The following GLS variants were observed in gnomAD, a reference collection of about 807,000 sequenced individuals.
The protein encoded by GLS is glutaminase kidney isoform, mitochondrial.
Under a neutral mutation model 86.7 loss-of-function variants are expected in GLS, and 36 were observed. The ratio of observed to expected loss-of-function variants is 0.42; its 90% confidence interval spans 0.32 to 0.55. GLS has a LOEUF of 0.55. Ranked by LOEUF, GLS falls within the 20% of genes least tolerant of loss-of-function variation. The pLI is 0.17. For missense variants in GLS, 528 were observed against 833.4 expected (o/e 0.63, Z 4.51); for synonymous variants, 317 against 305.9 (o/e 1.04, Z -0.38).
intron 17 of GLS, among the ~76,000 whole-genome samples, chr2:190,959,946 G>C (rs1690959972): frequency 6.6e-6 from 1 of 152,158 alleles, no homozygotes; most frequent in Non-Finnish European, 1.5e-5. Flanking sequence ...TTAGGGAAGA[G>C]ACGAGACTGA....
Position 190,895,082 on chromosome 2 carries a change from A to C in GLS, c.387-70A>C. 2.8e-6 allele frequency: 2 copies of C among 712,234 alleles called. No individual in the cohort carries two copies. The highest frequency in any genetic ancestry group is 3.5e-5 in the South Asian group (2 of 57,708). 44.1% of individuals were successfully genotyped at this position (712,234 alleles called of 1,614,324 possible). A position where few individuals can be genotyped will look rare whatever the true frequency, so the allele number is the denominator to read the frequency against. On this transcript the variant is annotated intron_variant, in intron 1 of 17. Transcript: ENST00000320717. This position sits in a 1 kb window ranked among gnomAD's most constrained non-coding sequence, Gnocchi z 4.2. The stretch of plus-strand genomic sequence containing the variant: ...AGTCTAGTTTAGTGGTTATTTAACA[A>C]TGGATTTAGTTAAAAATCCAGTAGA...
rs1418766951 is a variant in GLS, at chr2:190,914,114, C to G, written c.1038+3793C>G. Among the ~76,000 whole-genome samples the G allele has an allele frequency of 6.6e-6, 1 of 152,112 alleles. No homozygotes were observed. Among genetic ancestry groups the G allele is most frequent in the East Asian group, 1.9e-4 (1 of 5,204 alleles). ...GCATGCCTCATTCTAGTGGTAGTTT[C>G]CAGTTTTTGTCATTTAAAGAAGTTC... On this transcript the variant is annotated intron_variant, in intron 7 of 17. Transcript: ENST00000320717. This position sits in a 1 kb window ranked among gnomAD's most constrained non-coding sequence, Gnocchi z 4.4.
chr2:190,950,183 A>T (rs1396575272), intron 14 of GLS, among the ~76,000 whole-genome samples: 1 of 152,034 alleles, frequency 6.6e-6, no homozygotes, highest in Admixed American at 6.6e-5. Context: ...AGTGCCTGAG[A>T]CCAGCCAGAT....
At position 190,924,047 on chromosome 2, in the gene GLS, T is replaced by A. The variant is rs1689825701; in HGVS notation, c.1197+64T>A. ...ATTTAATAAAATACATGAAGATGTATGCTAAGAATTCAACAATAGCCTTTA... is the reference window on the plus strand; with the variant it reads ...ATTTAATAAAATACATGAAGATGTAAGCTAAGAATTCAACAATAGCCTTTA... On this transcript the variant is annotated intron_variant, in intron 10 of 17. Transcript: ENST00000320717. The surrounding 1 kb of genome is among the most constrained non-coding windows in gnomAD (Gnocchi z 5.2). The A allele has an allele frequency of 1.2e-6, 1 of 860,430 alleles. No individual in the cohort carries two copies. Among genetic ancestry groups the A allele is most frequent in the African/African-American group, 1.7e-5 (1 of 57,852 alleles). The allele number at this position is 860,430 out of a possible 1,614,324, so 53.3% of individuals were successfully genotyped here.
In GLS at chr2:190,889,918, A is replaced by G. The variant is rs572435255; in HGVS notation, c.387-5234A>G. Among the ~76,000 whole-genome samples, 3 of 152,338 alleles carry G rather than the reference A, an allele frequency of 2.0e-5. No individual in the cohort carries two copies. The South Asian group carries it at 6.2e-4, about 32-fold the overall frequency. ...GCTTTGACAGGATGCAGTTTTATCAAGGCAGACCAGTTTAGTTCTCTTATG... is the reference window on the plus strand; with the variant it reads ...GCTTTGACAGGATGCAGTTTTATCAGGGCAGACCAGTTTAGTTCTCTTATG... On this transcript the variant is annotated intron_variant, in intron 1 of 17. Transcript: ENST00000320717.
At chr2:190,925,850 C>T (rs1689878136) in intron 11 of GLS, among the ~76,000 whole-genome samples, 1 of 152,094 alleles carries the variant, frequency 6.6e-6, no homozygotes, top group Non-Finnish European at 1.5e-5. Flanking sequence ...CCCTAGTTTC[C>T]TTATGTGTAG....
chr2:190,936,824 GT>G (rs1176281984), intron 14 of GLS, among the ~76,000 whole-genome samples: 1 of 151,260 alleles, frequency 6.6e-6, no homozygotes, highest in East Asian at 1.9e-4. Context: ...CTGTGGTACA[GT>G]TTTTAGTTTT....
rs1161747781 is a variant in GLS, at chr2:190,943,263, G to A, written c.1651-10302G>A. On this transcript the variant is annotated intron_variant, in intron 14 of 17. Transcript: ENST00000320717. This position sits in a 1 kb window ranked among gnomAD's most constrained non-coding sequence, Gnocchi z 4.5. ...CAGTCAGATTTAGGCCTAAAACTTAGAGCAGTGTAAGTTGGAGCTATAATT... is the reference window on the plus strand; with the variant it reads ...CAGTCAGATTTAGGCCTAAAACTTAAAGCAGTGTAAGTTGGAGCTATAATT... Among the ~76,000 whole-genome samples, 1 of 152,158 alleles carries A rather than the reference G, an allele frequency of 6.6e-6. No homozygotes were observed. The highest frequency in any genetic ancestry group is 2.4e-5 in the African/African-American group (1 of 41,434).
rs560532374 is a variant in GLS, at chr2:190,963,906, T to G, written c.*920T>G. ...TGCAACTGCAGCTCTTTAAGAAGTT[T>G]TTTTTTTTTAGCTTCTAGGGTAAAG... On this transcript the variant is annotated 3_prime_UTR_variant, in exon 18 of 18. Coordinates refer to ENST00000320717, the MANE Select transcript of GLS (RefSeq NM_014905.5). 1.3e-5 allele frequency: 2 copies of G among 152,226 alleles called. No homozygotes were observed. The highest frequency in any genetic ancestry group is 3.9e-4 in the East Asian group (2 of 5,194). 9.4% of individuals were successfully genotyped at this position (152,226 alleles called of 1,614,324 possible).
Position 190,895,613 on chromosome 2 carries a change from T to C in GLS, c.493T>C (p.Ser165Pro). 1 of 1,597,606 alleles carries C rather than the reference T, an allele frequency of 6.3e-7. No individual in the cohort carries two copies. Among genetic ancestry groups the C allele is most frequent in the Non-Finnish European group, 8.6e-7 (1 of 1,168,548 alleles). Residue 165 changes from serine to proline, a missense_variant, in exon 3 of 18, where the codon TCT (serine) becomes CCT (proline). Physicochemically the swap from Ser to Pro is moderately conservative, Grantham distance 74. This residue lies in a region of GLS where 111 missense variants were observed against 179.5 expected (regional missense o/e 0.62). Coordinates refer to ENST00000320717, the MANE Select transcript of GLS (RefSeq NM_014905.5). The surrounding 1 kb of genome is among the most constrained non-coding windows in gnomAD (Gnocchi z 4.2). Reference protein sequence around the residue: ...PVHKFITALKSTGLRTSDPRL... With the variant: ...PVHKFITALKPTGLRTSDPRL... The stretch of plus-strand genomic sequence containing the variant: ...ATTTTTTTAAAAACAGGCACTCAAA[T>C]CTACAGGATTGCGAACGTCTGATCC...
At chr2:190,902,194 CAG>C (rs1688967803) in intron 5 of GLS, among the ~76,000 whole-genome samples, 168 bp downstream of exon 5, 1 of 152,038 alleles carries the variant, frequency 6.6e-6, no homozygotes, top group Non-Finnish European at 1.5e-5. Flanking sequence ...AAAACTCAAA[CAG>C]TAACATTATA....
chr2:190,900,595 C>G lies in GLS; in HGVS notation c.637C>G (p.Gln213Glu). 6.2e-7 allele frequency: 1 copy of G among 1,601,850 alleles called. No homozygotes were observed. Among genetic ancestry groups the G allele is most frequent in the Non-Finnish European group, 8.5e-7 (1 of 1,169,832 alleles). ...TCAGAGCAACATTGTTTTGTTGACACAAGCATTTAGAAGAAAGTTTGTGAT... is the reference window on the plus strand; with the variant it reads ...TCAGAGCAACATTGTTTTGTTGACAGAAGCATTTAGAAGAAAGTTTGTGAT... ...CVQSNIVLLT[Q>E]AFRRKFVIPD... Residue 213 changes from glutamine (Q) to glutamate (E), a missense_variant, in exon 4 of 18, where the codon CAA becomes GAA. Transcript: ENST00000320717.
At position 190,946,991 on chromosome 2, in the gene GLS, C is replaced by A. The variant is rs993118661; in HGVS notation, c.1651-6574C>A. Reference sequence around the variant, plus strand: ...GTAATAAATAAAATATATCTATCAACATATTTTATAACCAGCCTGTCAGGG... The same window carrying A: ...GTAATAAATAAAATATATCTATCAAAATATTTTATAACCAGCCTGTCAGGG... On this transcript the variant is annotated intron_variant, in intron 14 of 17. Coordinates refer to ENST00000320717, the MANE Select transcript of GLS (RefSeq NM_014905.5). Among the ~76,000 whole-genome samples, 91 of 152,242 alleles carry A rather than the reference C, an allele frequency of 6.0e-4. 2 individuals are homozygous for A. Among genetic ancestry groups the A allele is most frequent in the African/African-American group, 2.1e-3 (86 of 41,542 alleles).
At chr2:190,919,756 A>G (rs1001484492) in intron 7 of GLS, 30 of 463,850 alleles carry the variant, frequency 6.5e-5, no homozygotes, top group Non-Finnish European at 7.9e-5. Flanking sequence ...GTATATTATA[A>G]GGAAAGAAAA....
chr2:190,881,342 G>C lies in GLS; in HGVS notation c.258G>C (p.Gly86=). Residue 86 remains glycine, a synonymous_variant, in exon 1 of 18, where the codon GGG becomes GGC. Transcript: ENST00000320717. ...AGATCTTGCAGGAGCTGGGCAAGGG[G>C]AGCACGCATCCGCAGCCCGGGGTGT... ...PSEILQELGK[G]STHPQPGVSP... 1 of 1,536,150 alleles carries C rather than the reference G, an allele frequency of 6.5e-7. No homozygotes were observed. Among genetic ancestry groups the C allele is most frequent in the Non-Finnish European group, 8.8e-7 (1 of 1,141,414 alleles).
rs1295629204 is a variant in GLS at position 190,914,736 on chromosome 2, C to A, written c.1038+4415C>A. ...TGAATGGAATCAAGTGCGATACTTA[C>A]AAAATAACTCTGATGCATTGATTTT... On this transcript the variant is annotated intron_variant, in intron 7 of 17. Transcript: ENST00000320717. This position sits in a 1 kb window ranked among gnomAD's most constrained non-coding sequence, Gnocchi z 4.4. 1.3e-5 allele frequency among the ~76,000 whole-genome samples: 2 copies of A among 152,014 alleles called. No individual in the cohort carries two copies. The highest frequency in any genetic ancestry group is 4.8e-5 in the African/African-American group (2 of 41,390).
Position 190,953,407 on chromosome 2 carries a change from C to T in GLS, c.1651-158C>T, listed in dbSNP as rs942033458. ...TGTTAAAAGAAGAAAGTATCACACA[C>T]GTGGGTTCTTTTGGCTATGGAAGTG... On this transcript the variant is annotated intron_variant, in intron 14 of 17. Transcript: ENST00000320717. The surrounding 1 kb of genome is among the most constrained non-coding windows in gnomAD (Gnocchi z 4.0). Among the ~76,000 whole-genome samples, 1 of 152,136 alleles carries T rather than the reference C, an allele frequency of 6.6e-6. No individual in the cohort carries two copies. The highest frequency in any genetic ancestry group is 1.5e-5 in the Non-Finnish European group (1 of 68,020).
At chr2:190,915,220 T>A (rs1440662188) in intron 7 of GLS, among the ~76,000 whole-genome samples, 1 of 151,392 alleles carries the variant, frequency 6.6e-6, no homozygotes. Context: ...CAGGATGGTC[T>A]CCATCTCCTG....
chr2:190,911,147 G>T (rs1362172859), intron 7 of GLS, among the ~76,000 whole-genome samples: 5 of 151,408 alleles, frequency 3.3e-5, no homozygotes, highest in Non-Finnish European at 4.4e-5. Context: ...TGGTAAATCT[G>T]TGCCTATCTA....
Sources: allele counts gnomAD v4.1 joint callset (sites outside exome capture counted in the v4.1 genomes callset), GRCh38; gene constraint gnomAD v4.1.1; regional missense constraint gnomAD v4.1.1; non-coding constraint Gnocchi (gnomAD v3.1); transcripts MANE v1.5; gene names NCBI Gene and HGNC (gene_info 2026-07-23, HGNC 2026-07-21).